UNC79: variants seen among roughly 807,000 people sequenced by gnomAD.
UNC79 encodes the protein protein unc-79 homolog.
UNC79 carries 37 observed loss-of-function variants against 283.1 expected under a neutral mutation model. That is an observed-to-expected ratio of 0.13 (90% confidence interval 0.10 to 0.17). The LOEUF is 0.17. UNC79 is among the 10% of genes least tolerant of loss of function. The pLI is 1.00. For missense variants in UNC79, 2,272 were observed against 3,211.1 expected, an observed-to-expected ratio of 0.71 and a Z score of 7.07; for synonymous variants, 1,107 against 1,200.2, an observed-to-expected ratio of 0.92 and a Z score of 1.61.
chr14:93,597,821 C>G (rs2065183369), intron 24 of UNC79, among the ~76,000 whole-genome samples: 1 of 152,102 alleles, frequency 6.6e-6, no homozygotes, highest in African/African-American at 2.4e-5. Flanking sequence ...TCTCAAAGCC[C>G]CACCTCCTAA....
chr14:93,346,132 AC>A (rs1045589262), intron 1 of UNC79, among the ~76,000 whole-genome samples: 1 of 151,998 alleles, frequency 6.6e-6, no homozygotes, highest in African/African-American at 2.4e-5. Context: ...TCACCTACAA[AC>A]CCTTCCTGAA....
chr14:93,402,332 A>G (rs998947450), intron 1 of UNC79, among the ~76,000 whole-genome samples: 17 of 151,408 alleles, frequency 1.1e-4, no homozygotes, highest in African/African-American at 3.9e-4. Context: ...TAAAAAAATT[A>G]TGAGACTGTG....
chr14:93,496,944 G>A (rs1383096494), intron 6 of UNC79, among the ~76,000 whole-genome samples: 1 of 152,100 alleles, frequency 6.6e-6, no homozygotes, highest in African/African-American at 2.4e-5. Context: ...ACCTGTGAGG[G>A]CTCATTTACA....
chr14:93,471,207 C>A (rs887979014), intron 2 of UNC79, among the ~76,000 whole-genome samples: 11 of 152,122 alleles, frequency 7.2e-5, no homozygotes, highest in East Asian at 3.8e-4. Context: ...CATGGAGTAA[C>A]TTTAGAGCAT....
chr14:93,572,058 G>C (rs750723600), exon 15 of UNC79: 15 of 1,613,962 alleles, frequency 9.3e-6, no homozygotes, highest in Non-Finnish European at 1.3e-5. Context: ...CAGATAATCA[G>C]TTAAAAGAAT....
At chr14:93,616,262 A>C (rs1360723071) in intron 27 of UNC79, among the ~76,000 whole-genome samples, 1 of 152,004 alleles carries the variant, frequency 6.6e-6, no homozygotes, top group Non-Finnish European at 1.5e-5. Context: ...AGCCATGCTG[A>C]ATTTCTTTAT....
intron 33 of UNC79, among the ~76,000 whole-genome samples, chr14:93,641,655 A>T (rs2069045878): frequency 6.6e-6 from 1 of 152,172 alleles, no homozygotes; most frequent in African/African-American, 2.4e-5. Flanking sequence ...TCTCAAAAGC[A>T]AAACAAAACA....
chr14:93,487,770 G>T lies in UNC79; in HGVS notation c.712+15G>T. ...ATCCAATCCAGGTAAGTGGAAATTG[G>T]AATGGTTTGACTAATTCTAGTACCA... On this transcript the variant is annotated intron_variant, in intron 5 of 48. Transcript: ENST00000555664. 6.2e-7 allele frequency: 1 copy of T among 1,607,454 alleles called. No individual in the cohort carries two copies. Among genetic ancestry groups the T allele is most frequent in the Non-Finnish European group, 8.5e-7 (1 of 1,176,344 alleles).
At chr14:93,393,425 T>C (rs1187562068) in intron 1 of UNC79, among the ~76,000 whole-genome samples, 1 of 152,216 alleles carries the variant, frequency 6.6e-6, no homozygotes, top group Non-Finnish European at 1.5e-5. Flanking sequence ...AAGGTTACAG[T>C]TCTCCATAAT....
chr14:93,336,237 C>T lies in UNC79; in HGVS notation c.-351+2714C>T, dbSNP rs553671938. Reference sequence around the variant, plus strand: ...AACAATCCTGTTTTCATGCATTTTTCTGAATTTCCTGAAGTCTAAAAGGTG... The same window carrying T: ...AACAATCCTGTTTTCATGCATTTTTTTGAATTTCCTGAAGTCTAAAAGGTG... On this transcript the variant is annotated intron_variant, in intron 1 of 49. Coordinates refer to the UNC79 transcript ENST00000256339. Among the ~76,000 whole-genome samples, 23 of 152,308 alleles carry T rather than the reference C, an allele frequency of 1.5e-4. No individual in the cohort carries two copies. The South Asian group carries it at 4.8e-3, about 32-fold the overall frequency.
intron 46 of UNC79, among the ~76,000 whole-genome samples, chr14:93,692,888 G>A (rs773981480): frequency 2.1e-4 from 32 of 152,302 alleles, no homozygotes; most frequent in East Asian, 5.8e-4. Context: ...TGCAACCAGC[G>A]TCTTGTTATG....
At chr14:93,527,652 T>C (rs2060607847) in intron 8 of UNC79, among the ~76,000 whole-genome samples, 2 of 152,268 alleles carry the variant, frequency 1.3e-5, no homozygotes, top group East Asian at 3.9e-4. Flanking sequence ...TGAGAACAAC[T>C]AAAAAGAGTG....
At chr14:93,470,346 G>C (rs971595729) in intron 2 of UNC79, among the ~76,000 whole-genome samples, 1 of 152,102 alleles carries the variant, frequency 6.6e-6, no homozygotes, top group Admixed American at 6.6e-5. Context: ...ATTTAACTTC[G>C]ATTTATTTAA....
At chr14:93,524,267 T>TAGCCA (rs2060449811) in intron 8 of UNC79, among the ~76,000 whole-genome samples, 1 of 152,234 alleles carries the variant, frequency 6.6e-6, no homozygotes, top group Non-Finnish European at 1.5e-5. Context: ...AAGTGCTATG[T>TAGCCA]AGCACTGAGC....
intron 38 of UNC79, among the ~76,000 whole-genome samples, chr14:93,657,881 G>T (rs1301667881): frequency 6.6e-6 from 1 of 152,196 alleles, no homozygotes; most frequent in Non-Finnish European, 1.5e-5. Flanking sequence ...GAGGTCAGTG[G>T]CTACTCACGC....
rs151027471 is a variant in UNC79 at position 93,418,849 on chromosome 14, G to T, written c.-350-48822G>T. Among the ~76,000 whole-genome samples the T allele has an allele frequency of 2.8e-4, 42 of 151,916 alleles. 4 individuals carry two copies. In the East Asian group the frequency reaches 7.8e-3, roughly 28 times the overall value. On this transcript the variant is annotated intron_variant, in intron 1 of 49. Transcript: ENST00000256339. ...GCCAGGTGCGCAATATAATCTCCTG[G>T]TGCGCCATTTTTTAAGCCCGTTGGA...
intron 41 of UNC79, among the ~76,000 whole-genome samples, chr14:93,677,990 C>T (rs1397988853): frequency 6.6e-6 from 1 of 152,050 alleles, no homozygotes; most frequent in Non-Finnish European, 1.5e-5. Flanking sequence ...TTTTTCTTGC[C>T]CTTGACTGCC....
At chr14:93,432,105 T>G (rs988512228) in intron 1 of UNC79, among the ~76,000 whole-genome samples, 38 of 152,368 alleles carry the variant, frequency 2.5e-4, no homozygotes, top group African/African-American at 8.9e-4. Context: ...TTTGTAATTC[T>G]TCTTTGGAAT....
intron 1 of UNC79, among the ~76,000 whole-genome samples, chr14:93,393,240 A>G (rs971123576): frequency 6.6e-6 from 1 of 152,214 alleles, no homozygotes; most frequent in Non-Finnish European, 1.5e-5. Context: ...GCATGTCAAC[A>G]CTGTTTCATT....
Sources: gnomAD v4.1 joint callset for allele counts (sites outside exome capture counted in the v4.1 genomes callset) on GRCh38, gnomAD v4.1.1 for gene constraint, MANE v1.5 for transcripts, NCBI Gene and HGNC (gene_info 2026-07-23, HGNC 2026-07-21) for gene names.